Variants in GOLM2 observed in about 807,000 individuals in gnomAD.
GOLM2 encodes the protein golgi membrane protein 2, also known as protein GOLM2.
Under a neutral mutation model 55.9 loss-of-function variants are expected in GOLM2, and 26 were observed. The observed-to-expected ratio is 0.47, with a 90% confidence interval of 0.34 to 0.65. The LOEUF (loss-of-function observed/expected upper bound fraction) is 0.65, where lower values mean the gene tolerates loss of function less well. Ranked by LOEUF, GOLM2 falls within the 30% of genes least tolerant of loss-of-function variation. The pLI is 0.01. For missense variants in GOLM2, 486 were observed against 531.8 expected, an observed-to-expected ratio of 0.91 and a Z score of 0.85; for synonymous variants, 165 against 194.6, an observed-to-expected ratio of 0.85 and a Z score of 1.27.
intron 5 of GOLM2, among the ~76,000 whole-genome samples, 161 bp downstream of exon 5, chr15:44,338,068 GA>G (rs1181305933): frequency 6.6e-6 from 1 of 152,068 alleles, no homozygotes; most frequent in African/African-American, 2.4e-5. Flanking sequence ...TGATAGAAGA[GA>G]AAAAAGAGTA....
chr15:44,331,509 G>A (rs2079022132), intron 3 of GOLM2, among the ~76,000 whole-genome samples: 1 of 152,026 alleles, frequency 6.6e-6, no homozygotes, highest in Middle Eastern at 3.2e-3. Flanking sequence ...TTCTTTATTA[G>A]TTTCTTTCGT....
At chr15:44,400,665 C>G (rs987846755) in intron 8 of GOLM2, among the ~76,000 whole-genome samples, 1 of 149,930 alleles carries the variant, frequency 6.7e-6, no homozygotes. Context: ...CAAGCTCTGC[C>G]TCCTGGGTTC....
intron 9 of GOLM2, 23 bp downstream of exon 9, chr15:44,403,077 T>C (rs1488628344): frequency 1.2e-6 from 2 of 1,613,402 alleles, no homozygotes; most frequent in African/African-American, 2.7e-5. Flanking sequence ...CTGGCCTCCA[T>C]GCTATAACCA....
intron 9 of GOLM2, chr15:44,406,871 AT>A (rs1362429706): frequency 6.6e-6 from 1 of 152,034 alleles, no homozygotes. Context: ...AAAATTGTGT[AT>A]TATGAATTGA....
intron 2 of GOLM2, 110 bp from the exon 3 acceptor site, chr15:44,328,575 C>G: frequency 1.6e-6 from 1 of 607,104 alleles, no homozygotes. Context: ...GGGAGTATTA[C>G]TAAAGAAATT....
At chr15:44,399,691 A>G (rs985060952) in intron 8 of GOLM2, among the ~76,000 whole-genome samples, 7 of 152,112 alleles carry the variant, frequency 4.6e-5, no homozygotes, top group Admixed American at 1.3e-4. Flanking sequence ...TCTGTATTTC[A>G]TAACTCTGAT....
At chr15:44,406,035 T>G (rs1478902472) in intron 9 of GOLM2, among the ~76,000 whole-genome samples, 1 of 152,156 alleles carries the variant, frequency 6.6e-6, no homozygotes, top group African/African-American at 2.4e-5. Flanking sequence ...ACTGTGCCAA[T>G]GTGGAAGTAA....
At chr15:44,304,535 C>G (rs1163363973) in intron 1 of GOLM2, among the ~76,000 whole-genome samples, 1 of 152,132 alleles carries the variant, frequency 6.6e-6, no homozygotes, top group Non-Finnish European at 1.5e-5. Context: ...AGCCATCGCT[C>G]CCAGCCCTCC....
intron 6 of GOLM2, among the ~76,000 whole-genome samples, chr15:44,344,386 C>A (rs1269062803): frequency 6.6e-6 from 1 of 151,380 alleles, no homozygotes. Context: ...GCTCCCAAAG[C>A]CATACAGTGA....
At chr15:44,328,295 C>T (rs1431515836) in intron 2 of GOLM2, among the ~76,000 whole-genome samples, 6 of 152,178 alleles carry the variant, frequency 3.9e-5, no homozygotes, top group African/African-American at 1.4e-4. Flanking sequence ...GCCTGGGCAA[C>T]ATGGCTAACC....
intron 6 of GOLM2, among the ~76,000 whole-genome samples, chr15:44,373,240 G>A (rs937288156): frequency 4.6e-5 from 7 of 151,866 alleles, no homozygotes; most frequent in African/African-American, 1.7e-4. Flanking sequence ...GGCGAATCAC[G>A]AGGTCAGGAG....
At chr15:44,375,708 G>A (rs1028947070) in intron 6 of GOLM2, among the ~76,000 whole-genome samples, 1 of 152,160 alleles carries the variant, frequency 6.6e-6, no homozygotes, top group Non-Finnish European at 1.5e-5. Context: ...TTGAGCCCCG[G>A]AGGTCGGGGC....
intron 9 of GOLM2, chr15:44,406,846 T>G (rs1265427392): frequency 6.6e-6 from 1 of 152,028 alleles, no homozygotes; most frequent in Non-Finnish European, 1.5e-5. Flanking sequence ...TAAATATACT[T>G]TGGCTTTGGT....
Position 44,289,335 on chromosome 15 carries a change from G to A in GOLM2, c.306G>A (p.Gly102=), listed in dbSNP as rs762874987. The A allele has an allele frequency of 6.2e-7, 1 of 1,612,616 alleles. No homozygotes were observed. The highest frequency in any genetic ancestry group is 1.7e-5 in the Admixed American group (1 of 59,672). The change falls in exon 1 of 10, where the codon GGG becomes GGA. Residue 102 remains glycine (G), a synonymous_variant. Transcript: ENST00000299957. This position sits in a 1 kb window ranked among gnomAD's most constrained non-coding sequence, Gnocchi z 4.8. The stretch of plus-strand genomic sequence containing the variant: ...GGCTGCAGGCCAGAGAGGGCCTCGG[G>A]AAGAGATGCGAGGATGACAAGGTAA... ...SSRLQAREGL[G]KRCEDDKVKL... is the part of the protein sequence containing the mutation.
chr15:44,378,354 CT>C lies in GOLM2; in HGVS notation c.803-1317del, dbSNP rs372043503. ...ATAGGCGTGAGCCACCGCGCCAGGACTTTTTTTTTTTTTTTTTTTGAGATAG... is the reference window on the plus strand; with the variant it reads ...ATAGGCGTGAGCCACCGCGCCAGGACTTTTTTTTTTTTTTTTTTGAGATAG... On this transcript the variant is annotated intron_variant, in intron 6 of 9. Transcript: ENST00000299957. 7.1e-3 allele frequency among the ~76,000 whole-genome samples: 894 copies of C among 125,502 alleles called. 5 individuals are homozygous for C. Among genetic ancestry groups the C allele is most frequent in the African/African-American group, 0.022 (733 of 34,012 alleles). The allele number at this position is 125,502 out of a possible 152,430, so 82.3% of individuals were successfully genotyped here.
At chr15:44,380,782 T>G (rs757534928) in intron 7 of GOLM2, 24 bp from the exon 8 acceptor site, 2 of 1,418,016 alleles carry the variant, frequency 1.4e-6, no homozygotes, top group Non-Finnish European at 1.9e-6. Flanking sequence ...TATATTCTTT[T>G]AATTTGATGT....
intron 1 of GOLM2, among the ~76,000 whole-genome samples, chr15:44,298,350 G>A (rs1388328118): frequency 3.4e-5 from 5 of 146,374 alleles, no homozygotes; most frequent in African/African-American, 5.1e-5. Flanking sequence ...TGCAACCTCC[G>A]CCTCCCAGGT....
chr15:44,321,145 A>G (rs1021177789), intron 1 of GOLM2, among the ~76,000 whole-genome samples: 9 of 151,490 alleles, frequency 5.9e-5, no homozygotes, highest in African/African-American at 1.9e-4. Flanking sequence ...TGGACATGGG[A>G]TGGTGGGGGA....
intron 8 of GOLM2, among the ~76,000 whole-genome samples, chr15:44,401,310 G>A (rs2079564017): frequency 6.6e-6 from 1 of 151,816 alleles, no homozygotes; most frequent in African/African-American, 2.4e-5. Context: ...TGTCACCCAG[G>A]CTGAAGTACA....
Sources: gnomAD v4.1 joint callset for allele counts (sites outside exome capture counted in the v4.1 genomes callset) on GRCh38, gnomAD v4.1.1 for gene constraint, Gnocchi (gnomAD v3.1) non-coding constraint, MANE v1.5 for transcripts, NCBI Gene and HGNC (gene_info 2026-07-23, HGNC 2026-07-21) for gene names.